Variants in CLVS1 observed in about 807,000 individuals in gnomAD.
The protein encoded by CLVS1 is clavesin 1.
CLVS1 carries 10 observed loss-of-function variants against 33.1 expected under a neutral mutation model. The ratio of observed to expected loss-of-function variants is 0.30; its 90% CI spans 0.19 to 0.51. CLVS1 has a LOEUF of 0.51. Among genes scored for constraint, CLVS1 ranks in the 20% least tolerant of loss-of-function variants. The probability of loss-of-function intolerance (pLI) is 0.97; values close to 1 mark genes in which losing one functional copy is unlikely to be tolerated. For synonymous variants in CLVS1, 163 were observed against 166.1 expected (o/e 0.98, Z 0.14); for missense variants, 343 against 433.4 (o/e 0.79, Z 1.85).
chr8:61,215,313 G>A, intron 2 of CLVS1, among the ~76,000 whole-genome samples: 1 of 152,082 alleles, frequency 6.6e-6, no homozygotes, highest in East Asian at 1.9e-4. Flanking sequence ...TTTTATAATG[G>A]GCTATATAAA....
chr8:61,247,077 C>T (rs1292801725), intron 2 of CLVS1, among the ~76,000 whole-genome samples: 2 of 152,090 alleles, frequency 1.3e-5, no homozygotes, highest in Non-Finnish European at 2.9e-5. Context: ...TGTGTTCCTG[C>T]CTTAGTGTGC....
At chr8:61,328,479 C>A (rs932553548) in intron 2 of CLVS1, among the ~76,000 whole-genome samples, 2 of 152,042 alleles carry the variant, frequency 1.3e-5, no homozygotes, top group Non-Finnish European at 2.9e-5. Flanking sequence ...GCTGCCCTAG[C>A]CCCTTAGCAT....
At chr8:61,293,760 A>C (rs986094021) in intron 1 of CLVS1, among the ~76,000 whole-genome samples, 3 of 152,168 alleles carry the variant, frequency 2.0e-5, no homozygotes, top group Admixed American at 1.3e-4. Context: ...GGAAACAAAA[A>C]TTCACACATA....
At position 61,356,007 on chromosome 8, in the gene CLVS1, T is replaced by C. The variant is rs557295816; in HGVS notation, c.456-20598T>C. On this transcript the variant is annotated intron_variant, in intron 2 of 5. Transcript: ENST00000325897. ...TCGCCACACTGACTTCCACAATGAT[T>C]GAACTAGTTTACAGTCCCACCAACA... is the stretch of plus-strand genomic sequence containing the variant. Among the ~76,000 whole-genome samples the C allele has an allele frequency of 1.7e-4, 26 of 152,358 alleles. No homozygotes were observed. In the South Asian group the frequency reaches 5.4e-3, roughly 32 times the overall value.
chr8:61,352,076 G>T (rs1043176827), intron 2 of CLVS1, among the ~76,000 whole-genome samples: 1 of 151,936 alleles, frequency 6.6e-6, no homozygotes, highest in East Asian at 1.9e-4. Context: ...TTTGATGATT[G>T]AAACACAAAT....
chr8:61,499,583 T>C lies in CLVS1; in HGVS notation c.*41T>C. 6.7e-7 allele frequency: 1 copy of C among 1,487,944 alleles called. No homozygotes were observed. Among genetic ancestry groups the C allele is most frequent in the South Asian group, 1.1e-5 (1 of 88,398 alleles). 92.2% of individuals were successfully genotyped at this position (1,487,944 alleles called of 1,614,324 possible). On this transcript the variant is annotated 3_prime_UTR_variant, in exon 6 of 6. Coordinates refer to ENST00000325897, the MANE Select transcript of CLVS1 (RefSeq NM_173519.3). ...AATGCTCCTGCACACTGGCCTTCAG[T>C]GGTATCAGCCACCCAGGAAGCACAT...
At chr8:61,023,950 T>G in the CLVS1 span, among the ~76,000 whole-genome samples, 3 of 152,286 alleles carry the variant, frequency 2.0e-5, no homozygotes, top group Admixed American at 6.5e-5. Context: ...GGTGGTGGTG[T>G]TCCGCGCCTC....
intron 2 of CLVS1, among the ~76,000 whole-genome samples, chr8:61,245,748 T>C (rs1331437254): frequency 6.6e-6 from 1 of 151,932 alleles, no homozygotes; most frequent in Non-Finnish European, 1.5e-5. Flanking sequence ...AAAATTTTAT[T>C]TCTTTCCTCA....
intron 3 of CLVS1, among the ~76,000 whole-genome samples, chr8:61,385,883 A>T (rs927294220): frequency 2.0e-5 from 3 of 152,168 alleles, no homozygotes; most frequent in African/African-American, 4.8e-5. Context: ...ATAGAGACTA[A>T]AATGTTGGGG....
chr8:61,370,115 A>T (rs1410421634), intron 2 of CLVS1, among the ~76,000 whole-genome samples: 1 of 152,234 alleles, frequency 6.6e-6, no homozygotes, highest in Non-Finnish European at 1.5e-5. Context: ...GGTGGACCTT[A>T]AGAAATTTCC....
intron 2 of CLVS1, among the ~76,000 whole-genome samples, chr8:61,356,442 G>T (rs552888438): frequency 1.1e-3 from 166 of 151,646 alleles, no homozygotes; most frequent in Middle Eastern, 3.4e-3. Flanking sequence ...GTCAATTTTG[G>T]CTTTTGTTGC....
At chr8:61,016,963 C>T in the CLVS1 span, among the ~76,000 whole-genome samples, 2 of 152,196 alleles carry the variant, frequency 1.3e-5, no homozygotes, top group South Asian at 2.1e-4. Context: ...AAAATGAGAT[C>T]TCCCTTACGG....
chr8:61,330,970 T>A (rs1299455636), intron 2 of CLVS1, among the ~76,000 whole-genome samples: 1 of 151,866 alleles, frequency 6.6e-6, no homozygotes, highest in Non-Finnish European at 1.5e-5. Flanking sequence ...TTCCTGTAGC[T>A]ACTCAAGAGG....
At chr8:61,223,508 C>T (rs1031817966) in intron 2 of CLVS1, among the ~76,000 whole-genome samples, 1 of 152,192 alleles carries the variant, frequency 6.6e-6, no homozygotes, top group Non-Finnish European at 1.5e-5. Context: ...TATTGGCCCT[C>T]ACTCTCTTCT....
intron 2 of CLVS1, among the ~76,000 whole-genome samples, chr8:61,313,892 G>A (rs541865964): frequency 2.0e-5 from 3 of 152,270 alleles, no homozygotes; most frequent in South Asian, 2.1e-4. Flanking sequence ...GCACATCGTC[G>A]AGGCAGCAGT....
At chr8:61,468,116 A>G (rs1193255375) in intron 5 of CLVS1, among the ~76,000 whole-genome samples, 3 of 152,238 alleles carry the variant, frequency 2.0e-5, no homozygotes, top group African/African-American at 7.2e-5. Flanking sequence ...AAATTTCTAT[A>G]AAGTTTTATG....
chr8:61,053,577 C>T (rs1804422801), upstream of CLVS1, among the ~76,000 whole-genome samples: 4 of 152,222 alleles, frequency 2.6e-5, no homozygotes, highest in Non-Finnish European at 5.9e-5. Context: ...TGGCCCCTAG[C>T]TTTAGCAACA....
chr8:61,487,764 C>A (rs1354196338), intron 5 of CLVS1, among the ~76,000 whole-genome samples: 1 of 152,162 alleles, frequency 6.6e-6, no homozygotes, highest in South Asian at 2.1e-4. Context: ...CAAAGAAGAT[C>A]CACTAATATA....
the CLVS1 span, among the ~76,000 whole-genome samples, chr8:61,010,891 C>T: frequency 6.6e-6 from 1 of 152,218 alleles, no homozygotes; most frequent in Non-Finnish European, 1.5e-5. Flanking sequence ...TGAGAAGCAG[C>T]GCAGCGCCTG....
Sources: allele counts gnomAD v4.1 joint callset (sites outside exome capture counted in the v4.1 genomes callset), GRCh38; gene constraint gnomAD v4.1.1; transcripts MANE v1.5; gene names NCBI Gene and HGNC (gene_info 2026-07-23, HGNC 2026-07-21).